The following STMN3 variants were observed in gnomAD, a reference collection of about 807,000 sequenced individuals.
STMN3 encodes stathmin-3.
In STMN3, 24 loss-of-function variants were observed where a neutral mutation model predicts 23.2. The ratio of observed to expected loss-of-function variants is 1.03; its 90% CI spans 0.75 to 1.45. The LOEUF (loss-of-function observed/expected upper bound fraction) is 1.45. Ranked by LOEUF, STMN3 falls within the 40% of genes most tolerant of loss-of-function variation. STMN3 has a pLI of 0.00. For missense variants in STMN3, 235 were observed against 237.6 expected, an observed-to-expected ratio of 0.99 and a Z score of 0.07; for synonymous variants, 117 against 103.4, an observed-to-expected ratio of 1.13 and a Z score of -0.80.
Position 63,652,181 on chromosome 20 carries a change from G to T in STMN3, c.19+1146C>A. ...TCCAAGCCCGTGGGGCCTGAGGGGC[G>T]GGGTCAGGTCGGGCACGCGTGGGTG... is the stretch of plus-strand genomic sequence containing the variant. On this transcript the variant is annotated intron_variant, in intron 1 of 4. Coordinates refer to ENST00000370053, the MANE Select transcript of STMN3 (RefSeq NM_015894.4). The surrounding 1 kb of genome is among the most constrained non-coding windows in gnomAD (Gnocchi z 5.3). The T allele has an allele frequency of 6.6e-6, 1 of 152,430 alleles. No individual in the cohort carries two copies. Among genetic ancestry groups the T allele is most frequent in the Non-Finnish European group, 1.5e-5 (1 of 68,106 alleles). The allele number at this position is 152,430 out of a possible 1,614,324, so 9.4% of individuals were successfully genotyped here.
chr20:63,641,351 T>C lies in STMN3; in HGVS notation c.530A>G (p.Glu177Gly), dbSNP rs1365314943. The change falls in exon 5 of 5, where the codon GAG becomes GGG. Residue 177 changes from glutamate to glycine, a missense_variant. Physicochemically the swap from Glu to Gly is moderately conservative, Grantham distance 98 (BLOSUM62 -2). Transcript: ENST00000370053. ...EVRRNKEQRE[E>G]MSG ...CGTCCCGGGCCCTTAGCCCGACATCTCTTCTCGCTGCTCCTTGTTCCTGCG... is the reference window on the plus strand; with the variant it reads ...CGTCCCGGGCCCTTAGCCCGACATCCCTTCTCGCTGCTCCTTGTTCCTGCG... 3 of 1,568,436 alleles carry C rather than the reference T, an allele frequency of 1.9e-6. No homozygotes were observed. Among genetic ancestry groups the C allele is most frequent in the Non-Finnish European group, 2.6e-6 (3 of 1,157,508 alleles).
In STMN3 at chr20:63,652,745, G is replaced by C. The variant is rs894230681; in HGVS notation, c.19+582C>G. 5.1e-6 allele frequency: 5 copies of C among 985,800 alleles called. No individual in the cohort carries two copies. Among genetic ancestry groups the C allele is most frequent in the Non-Finnish European group, 4.8e-6 (4 of 830,372 alleles). The allele number at this position is 985,800 out of a possible 1,614,324, so 61.1% of individuals were successfully genotyped here. ...GGTGGCGCGGGCGTCGCAAAGGGTG[G>C]TCCCCGAGGCCGCAGCGGTGTGGGG... On this transcript the variant is annotated intron_variant, in intron 1 of 4. Coordinates refer to ENST00000370053, the MANE Select transcript of STMN3 (RefSeq NM_015894.4). The surrounding 1 kb of genome is among the most constrained non-coding windows in gnomAD (Gnocchi z 5.3).
chr20:63,647,766 A>G (rs8117186), intron 1 of STMN3, among the ~76,000 whole-genome samples: 3,933 of 125,038 alleles, frequency 0.031, 267 homozygotes, highest in African/African-American at 0.11. Context: ...ATATATATAC[A>G]TATATACACG....
intron 1 of STMN3, among the ~76,000 whole-genome samples, chr20:63,651,259 C>T (rs910924646): frequency 6.6e-5 from 10 of 152,214 alleles, no homozygotes; most frequent in Admixed American, 6.5e-4. Flanking sequence ...CCCTATCTGC[C>T]TCACTTCTAC....
At position 63,641,257 on chromosome 20, in the gene STMN3, G is replaced by A; in HGVS notation, c.*81C>T. The A allele has an allele frequency of 2.3e-6, 3 of 1,290,232 alleles. No individual in the cohort carries two copies. The highest frequency in any genetic ancestry group is 3.3e-6 in the Non-Finnish European group (3 of 913,492). 79.9% of individuals were successfully genotyped at this position (1,290,232 alleles called of 1,614,324 possible). On this transcript the variant is annotated 3_prime_UTR_variant, in exon 5 of 5. Coordinates refer to ENST00000370053, the MANE Select transcript of STMN3 (RefSeq NM_015894.4). ...GGGTGGGGGAGGAGGAACAAAAGTT[G>A]CATCTAGACAGAGGTGAACGAAACA...
At position 63,652,985 on chromosome 20, in the gene STMN3, C is replaced by A. The variant is rs1303961377; in HGVS notation, c.19+342G>T. The stretch of plus-strand genomic sequence containing the variant: ...GGACGCCCCAGGGACCCCGCCCGCA[C>A]ATCGCGAGCGCGCCCACCCGGTCGC... On this transcript the variant is annotated intron_variant, in intron 1 of 4. Coordinates refer to ENST00000370053, the MANE Select transcript of STMN3 (RefSeq NM_015894.4). This position sits in a 1 kb window ranked among gnomAD's most constrained non-coding sequence, Gnocchi z 5.3. 6.6e-6 allele frequency among the ~76,000 whole-genome samples: 1 copy of A among 152,056 alleles called. No homozygotes were observed. Among genetic ancestry groups the A allele is most frequent in the Non-Finnish European group, 1.5e-5 (1 of 67,982 alleles).
At chr20:63,645,500 C>A (rs2089802198) in intron 1 of STMN3, among the ~76,000 whole-genome samples, 1 of 152,204 alleles carries the variant, frequency 6.6e-6, no homozygotes, top group Non-Finnish European at 1.5e-5. Context: ...CTGCCCAACC[C>A]AAACCAGAAG....
At chr20:63,651,649 C>T (rs572686700) in intron 1 of STMN3, among the ~76,000 whole-genome samples, 1 of 152,338 alleles carries the variant, frequency 6.6e-6, no homozygotes, top group South Asian at 2.1e-4. Flanking sequence ...AGCAGGCAAG[C>T]GGCCAAGCAC....
At chr20:63,649,328 G>A (rs1169498314) in intron 1 of STMN3, among the ~76,000 whole-genome samples, 2 of 152,166 alleles carry the variant, frequency 1.3e-5, no homozygotes, top group East Asian at 1.9e-4. Flanking sequence ...GGAAGTCTGC[G>A]CACAGGGCAG....
intron 1 of STMN3, among the ~76,000 whole-genome samples, chr20:63,648,003 G>C (rs1312246759): frequency 8.2e-6 from 1 of 122,452 alleles, no homozygotes; most frequent in African/African-American, 3.2e-5. Flanking sequence ...CAGAGAGAGA[G>C]AGAGTAGTGA....
chr20:63,641,429 C>CG (rs776604119), intron 4 of STMN3, 32 bp from the exon 5 acceptor site: 1 of 1,312,976 alleles, frequency 7.6e-7, no homozygotes, highest in South Asian at 1.3e-5. Flanking sequence ...GGCCTGAGGG[C>CG]GGGGGTGGCT....
At chr20:63,648,683 CAG>C (rs2089836591) in intron 1 of STMN3, among the ~76,000 whole-genome samples, 1 of 152,180 alleles carries the variant, frequency 6.6e-6, no homozygotes, top group South Asian at 2.1e-4. Flanking sequence ...TTGTAGTGAG[CAG>C]AGATTGTGCC....
At chr20:63,646,322 G>A (rs6010987) in intron 1 of STMN3, among the ~76,000 whole-genome samples, 11,658 of 152,028 alleles carry the variant, frequency 0.077, 538 homozygotes, top group Non-Finnish European at 0.089. Flanking sequence ...AGGTGGGGGA[G>A]CCTCACAGGG....
At chr20:63,643,953 G>A (rs1569068376) in intron 2 of STMN3, 22 bp from the exon 3 acceptor site, 1 of 1,587,104 alleles carries the variant, frequency 6.3e-7, no homozygotes, top group Admixed American at 2.0e-5. Context: ...GACCAGAGTA[G>A]AGCTTCAGAG....
Position 63,640,526 on chromosome 20 carries a change from G to C in STMN3, c.*812C>G, listed in dbSNP as rs1369724235. The C allele has an allele frequency of 7.1e-6, 1 of 140,904 alleles. No individual in the cohort carries two copies. Among genetic ancestry groups the C allele is most frequent in the South Asian group, 2.2e-4 (1 of 4,468 alleles). The allele number at this position is 140,904 out of a possible 1,614,324, so 8.7% of individuals were successfully genotyped here. A position where few individuals can be genotyped will look rare whatever the true frequency, so the allele number is the denominator to read the frequency against. On this transcript the variant is annotated 3_prime_UTR_variant, in exon 5 of 5. Coordinates refer to ENST00000370053, the MANE Select transcript of STMN3 (RefSeq NM_015894.4). ...GGGCCAGCACTCCAAAGGGCTCTAG[G>C]GTGGGTCTTTCAAGGACATCTGCAA...
chr20:63,647,034 G>A (rs6062475), intron 1 of STMN3, among the ~76,000 whole-genome samples: 66,400 of 151,724 alleles, frequency 0.44, 15,129 homozygotes, highest in Middle Eastern at 0.49. Flanking sequence ...ATAGCTGGGC[G>A]TGGTGGCTCA....
intron 4 of STMN3, among the ~76,000 whole-genome samples, chr20:63,641,718 C>T (rs2089763835): frequency 1.3e-5 from 2 of 152,192 alleles, no homozygotes; most frequent in Admixed American, 1.3e-4. Context: ...CAGGACCAGA[C>T]TCTGGACCTG....
At chr20:63,647,129 G>A (rs895002507) in intron 1 of STMN3, among the ~76,000 whole-genome samples, 1 of 151,126 alleles carries the variant, frequency 6.6e-6, no homozygotes, top group Non-Finnish European at 1.5e-5. Context: ...CCAACATGGC[G>A]AAACCCTGTC....
At chr20:63,646,520 AT>A (rs1188339882) in intron 1 of STMN3, among the ~76,000 whole-genome samples, 3 of 150,816 alleles carry the variant, frequency 2.0e-5, no homozygotes, top group African/African-American at 4.9e-5. Context: ...CACCCAGCTA[AT>A]TTTTTGTATT....
Sources: allele counts gnomAD v4.1 joint callset (sites outside exome capture counted in the v4.1 genomes callset), GRCh38; gene constraint gnomAD v4.1.1; non-coding constraint Gnocchi (gnomAD v3.1); transcripts MANE v1.5; gene names NCBI Gene and HGNC (gene_info 2026-07-23, HGNC 2026-07-21).